MPPED2: variants seen among roughly 807,000 people sequenced by gnomAD.
MPPED2 encodes the protein metallophosphoesterase domain containing 2.
MPPED2 carries 5 observed loss-of-function variants against 33.0 expected under a neutral mutation model. That is an observed-to-expected ratio of 0.15 (90% confidence interval 0.08 to 0.32). The LOEUF (loss-of-function observed/expected upper bound fraction) is 0.32. MPPED2 is among the 10% of genes least tolerant of loss of function. The pLI is 1.00. For synonymous variants in MPPED2, 136 were observed against 141.9 expected (o/e 0.96, Z 0.29); for missense variants, 275 against 372.1 (o/e 0.74, Z 2.15).
At chr11:30,540,834 A>C (rs543488617) in intron 2 of MPPED2, among the ~76,000 whole-genome samples, 5 of 152,336 alleles carry the variant, frequency 3.3e-5, no homozygotes, top group African/African-American at 1.2e-4. Flanking sequence ...ATTTGAAAAC[A>C]ATCTATTATA....
chr11:30,565,387 A>T (rs946394385), intron 2 of MPPED2, among the ~76,000 whole-genome samples: 4 of 152,154 alleles, frequency 2.6e-5, no homozygotes, highest in Admixed American at 6.6e-5. Context: ...AAAGATTTTC[A>T]TATACTAAGG....
intron 6 of MPPED2, among the ~76,000 whole-genome samples, chr11:30,403,188 C>T (rs919918052): frequency 6.7e-6 from 1 of 149,506 alleles, no homozygotes; most frequent in African/African-American, 2.5e-5. Context: ...CGGAGCTTGC[C>T]GTGAGCCGAG....
At chr11:30,549,492 C>T (rs73459722) in intron 2 of MPPED2, among the ~76,000 whole-genome samples, 2,871 of 152,226 alleles carry the variant, frequency 0.019, 89 homozygotes, top group African/African-American at 0.066. Flanking sequence ...CTGTAAAAGG[C>T]CCACTATCTA....
chr11:30,564,084 A>G (rs945359823), intron 2 of MPPED2, among the ~76,000 whole-genome samples: 6 of 152,144 alleles, frequency 3.9e-5, no homozygotes, highest in African/African-American at 1.4e-4. Flanking sequence ...CCCTCTTGCT[A>G]CTATGTCTTA....
At chr11:30,405,131 C>T (rs576952811) in intron 6 of MPPED2, among the ~76,000 whole-genome samples, 4 of 152,182 alleles carry the variant, frequency 2.6e-5, no homozygotes, top group South Asian at 2.1e-4. Context: ...TATGTAGTTG[C>T]TACCTAAACA....
At chr11:30,497,114 A>G (rs1952301463) in intron 3 of MPPED2, among the ~76,000 whole-genome samples, 3 of 152,216 alleles carry the variant, frequency 2.0e-5, no homozygotes, top group African/African-American at 7.2e-5. Flanking sequence ...TTGTAAGGCT[A>G]TGCTGAAGAG....
chr11:30,585,674 A>C (rs1196473155), intron 1 of MPPED2, among the ~76,000 whole-genome samples: 2 of 151,846 alleles, frequency 1.3e-5, no homozygotes, highest in African/African-American at 4.8e-5. Flanking sequence ...GGGAGCGAAG[A>C]GGTGGGGACC....
At chr11:30,386,436 G>T in exon 7 of MPPED2, 1 of 263,010 alleles carries the variant, frequency 3.8e-6, no homozygotes, top group Non-Finnish European at 7.1e-6. Flanking sequence ...TTGGCTCAAG[G>T]TATAGATTAG....
At chr11:30,561,441 T>A (rs1956236118) in intron 2 of MPPED2, among the ~76,000 whole-genome samples, 1 of 152,158 alleles carries the variant, frequency 6.6e-6, no homozygotes, top group Non-Finnish European at 1.5e-5. Context: ...TCTCTGAACT[T>A]CCCAGAAAAG....
At chr11:30,409,047 C>T (rs1948033449), downstream of MPPED2, among the ~76,000 whole-genome samples, 1 of 152,180 alleles carries the variant, frequency 6.6e-6, no homozygotes, top group South Asian at 2.1e-4. Context: ...TGGGTAGCTT[C>T]CTGCCTCCAC....
intron 2 of MPPED2, 64 bp from the exon 3 acceptor site, chr11:30,536,239 C>T: frequency 6.7e-6 from 9 of 1,343,224 alleles, no homozygotes; most frequent in Non-Finnish European, 8.8e-6. Flanking sequence ...ATTGTCGTCG[C>T]ACATACATAT....
At chr11:30,427,187 G>A (rs1948877679) in intron 4 of MPPED2, among the ~76,000 whole-genome samples, 1 of 152,158 alleles carries the variant, frequency 6.6e-6, no homozygotes, top group Non-Finnish European at 1.5e-5. Flanking sequence ...GGTAGGTTCG[G>A]GAGTAGCTGG....
At chr11:30,556,123 C>G (rs1018179795) in intron 2 of MPPED2, among the ~76,000 whole-genome samples, 2 of 152,130 alleles carry the variant, frequency 1.3e-5, no homozygotes, top group African/African-American at 4.8e-5. Flanking sequence ...ATCCCTGTAG[C>G]CTTTCAGTGG....
intron 2 of MPPED2, among the ~76,000 whole-genome samples, chr11:30,576,484 A>G (rs1023247296): frequency 1.3e-5 from 2 of 152,198 alleles, no homozygotes; most frequent in Non-Finnish European, 2.9e-5. Flanking sequence ...AGGGTATCCT[A>G]TTGTCCTATG....
chr11:30,408,447 G>T (rs1948024487), downstream of MPPED2, among the ~76,000 whole-genome samples: 1 of 152,214 alleles, frequency 6.6e-6, no homozygotes, highest in African/African-American at 2.4e-5. Flanking sequence ...GAGTAGCTGG[G>T]ATTACAGGCA....
At chr11:30,477,825 G>A (rs503648) in intron 4 of MPPED2, among the ~76,000 whole-genome samples, 15,431 of 151,908 alleles carry the variant, frequency 0.1, 1,016 homozygotes, top group South Asian at 0.25. Flanking sequence ...TACGGTGGAC[G>A]GTAGCTCGGA....
intron 2 of MPPED2, among the ~76,000 whole-genome samples, chr11:30,545,056 C>T (rs1955336245): frequency 1.3e-5 from 2 of 152,084 alleles, no homozygotes; most frequent in African/African-American, 4.8e-5. Context: ...TGAAGGTGAG[C>T]AGAAGAAGAT....
chr11:30,436,844 C>T (rs1949348223), intron 4 of MPPED2, among the ~76,000 whole-genome samples: 2 of 152,158 alleles, frequency 1.3e-5, no homozygotes, highest in South Asian at 4.1e-4. Context: ...AAGCAATATA[C>T]TTTTAGACTT....
chr11:30,504,295 C>A (rs370409809), intron 3 of MPPED2, among the ~76,000 whole-genome samples: 43 of 152,208 alleles, frequency 2.8e-4, no homozygotes, highest in African/African-American at 8.9e-4. Flanking sequence ...GGCTTGAAAA[C>A]TGGCCAAGCA....
Sources: allele counts gnomAD v4.1 joint callset (sites outside exome capture counted in the v4.1 genomes callset), GRCh38; gene constraint gnomAD v4.1.1; transcripts MANE v1.5; gene names NCBI Gene and HGNC (gene_info 2026-07-23, HGNC 2026-07-21).